The following DLG2 variants were observed in gnomAD, a reference collection of about 807,000 sequenced individuals.
DLG2 encodes disks large homolog 2.
In DLG2, 45 loss-of-function variants were observed where a neutral mutation model predicts 132.5. The observed-to-expected ratio is 0.34, with a 90% CI of 0.27 to 0.44. The LOEUF (loss-of-function observed/expected upper bound fraction) is 0.44, where lower values mean the gene tolerates loss of function less well. Ranked by LOEUF, DLG2 falls within the 20% of genes least tolerant of loss-of-function variation. The pLI, the probability that DLG2 is intolerant of heterozygous loss-of-function variation, is 1.00. For missense variants in DLG2, 1,045 were observed against 1,196.9 expected, an observed-to-expected ratio of 0.87 and a Z score of 1.87; for synonymous variants, 424 against 419.6, an observed-to-expected ratio of 1.01 and a Z score of -0.13.
intron 19 of DLG2, among the ~76,000 whole-genome samples, chr11:83,557,089 A>T (rs1188795252): frequency 6.6e-6 from 1 of 152,130 alleles, no homozygotes; most frequent in Non-Finnish European, 1.5e-5. Flanking sequence ...TTCTCTTCTT[A>T]CCTGGGTCCC....
chr11:83,960,167 C>T (rs1392294684), intron 14 of DLG2, among the ~76,000 whole-genome samples: 1 of 151,992 alleles, frequency 6.6e-6, no homozygotes. Flanking sequence ...CTGACCAATG[C>T]CTACACAGTT....
At chr11:84,152,676 G>A (rs550543021) in intron 9 of DLG2, among the ~76,000 whole-genome samples, 14 of 152,128 alleles carry the variant, frequency 9.2e-5, no homozygotes, top group South Asian at 4.2e-4. Context: ...GTAAGCCACC[G>A]CGCCCGGCCT....
intron 17 of DLG2, among the ~76,000 whole-genome samples, chr11:83,801,065 T>C (rs1047325250): frequency 4.0e-4 from 61 of 152,054 alleles, no homozygotes; most frequent in Non-Finnish European, 7.5e-4. Context: ...TCTCGAGAGT[T>C]TTCTCATTTT....
At chr11:83,995,398 T>C (rs1181729124) in intron 11 of DLG2, among the ~76,000 whole-genome samples, 4 of 152,142 alleles carry the variant, frequency 2.6e-5, no homozygotes, top group Non-Finnish European at 5.9e-5. Context: ...TTAGACCTTA[T>C]ATTAGTGGCA....
chr11:84,612,059 T>TTGC (rs1396768773), intron 6 of DLG2, among the ~76,000 whole-genome samples: 2 of 152,176 alleles, frequency 1.3e-5, no homozygotes, highest in Non-Finnish European at 2.9e-5. Flanking sequence ...AACATATCCA[T>TTGC]TGCTCTCAAA....
intron 6 of DLG2, among the ~76,000 whole-genome samples, chr11:84,968,590 A>C (rs2053636141): frequency 6.6e-6 from 1 of 152,194 alleles, no homozygotes; most frequent in Non-Finnish European, 1.5e-5. Context: ...GAACAATTAT[A>C]CTGAAATGTA....
intron 3 of DLG2, among the ~76,000 whole-genome samples, chr11:85,482,420 T>C (rs79417587): frequency 0.023 from 3,548 of 152,186 alleles, 131 homozygotes; most frequent in African/African-American, 0.079. Flanking sequence ...CCAGATCCTA[T>C]GGTCCAATGA....
At chr11:84,667,689 G>C (rs2099701356) in intron 6 of DLG2, among the ~76,000 whole-genome samples, 1 of 151,534 alleles carries the variant, frequency 6.6e-6, no homozygotes, top group Non-Finnish European at 1.5e-5. Flanking sequence ...AGTAGAGATG[G>C]GTTTTCACCA....
intron 21 of DLG2, among the ~76,000 whole-genome samples, chr11:83,515,892 G>C (rs886879678): frequency 6.6e-6 from 1 of 152,220 alleles, no homozygotes; most frequent in Non-Finnish European, 1.5e-5. Flanking sequence ...CTGAGGGACA[G>C]TTTGTTATAA....
chr11:85,301,295 T>C (rs185773112), intron 3 of DLG2, among the ~76,000 whole-genome samples: 1 of 152,240 alleles, frequency 6.6e-6, no homozygotes, highest in Admixed American at 6.5e-5. Flanking sequence ...GGTAGACTGA[T>C]GTATTCTGAA....
At chr11:83,805,023 A>C (rs567742219) in intron 17 of DLG2, among the ~76,000 whole-genome samples, 6 of 152,274 alleles carry the variant, frequency 3.9e-5, no homozygotes, top group Non-Finnish European at 8.8e-5. Context: ...CTTCAGAATC[A>C]GGTGAAACAT....
chr11:85,060,490 T>TACAC, intron 6 of DLG2, among the ~76,000 whole-genome samples: 1 of 151,122 alleles, frequency 6.6e-6, no homozygotes, highest in Admixed American at 6.6e-5. Flanking sequence ...TATATATATA[T>TACAC]ACACGCATAT....
intron 6 of DLG2, among the ~76,000 whole-genome samples, chr11:84,776,472 C>A (rs893816023): frequency 2.0e-5 from 3 of 152,086 alleles, no homozygotes; most frequent in Non-Finnish European, 4.4e-5. Context: ...GTTTGATTAA[C>A]ATTTCTACTC....
chr11:84,341,438 C>T (rs1440415498), intron 7 of DLG2, among the ~76,000 whole-genome samples: 6 of 152,094 alleles, frequency 3.9e-5, no homozygotes, highest in Non-Finnish European at 7.4e-5. Context: ...TTACATAAAC[C>T]AGTTCCTGTC....
At chr11:84,241,276 T>A (rs781725119) in intron 8 of DLG2, among the ~76,000 whole-genome samples, 36 of 152,342 alleles carry the variant, frequency 2.4e-4, no homozygotes, top group Non-Finnish European at 4.7e-4. Flanking sequence ...AGCAATATTT[T>A]CTTTGTGCTT....
At chr11:85,516,104 C>A (rs754211897) in intron 3 of DLG2, among the ~76,000 whole-genome samples, 73 of 152,124 alleles carry the variant, frequency 4.8e-4, no homozygotes, top group Non-Finnish European at 8.5e-4. Context: ...CAAGTCACTT[C>A]TCAGACCACA....
chr11:83,536,174 A>G (rs1032253174), intron 20 of DLG2, among the ~76,000 whole-genome samples: 3 of 152,194 alleles, frequency 2.0e-5, no homozygotes, highest in Non-Finnish European at 4.4e-5. Flanking sequence ...AATGTCCTGA[A>G]TGCTATGAAT....
chr11:84,417,164 T>C (rs1215059815), intron 7 of DLG2, among the ~76,000 whole-genome samples: 1 of 152,216 alleles, frequency 6.6e-6, no homozygotes, highest in Non-Finnish European at 1.5e-5. Flanking sequence ...TGGATGGAGA[T>C]ATGCTGTGGT....
chr11:85,303,199 A>G (rs568462574), intron 3 of DLG2, among the ~76,000 whole-genome samples: 2 of 152,296 alleles, frequency 1.3e-5, no homozygotes, highest in Non-Finnish European at 2.9e-5. Context: ...GGAAAATTGA[A>G]CACAAGGAAG....
Sources: gnomAD v4.1 joint callset for allele counts (sites outside exome capture counted in the v4.1 genomes callset) on GRCh38, gnomAD v4.1.1 for gene constraint, MANE v1.5 for transcripts, NCBI Gene and HGNC (gene_info 2026-07-23, HGNC 2026-07-21) for gene names.